SLC1A3: variants seen among roughly 807,000 people sequenced by gnomAD.
SLC1A3 encodes excitatory amino acid transporter 1.
SLC1A3 carries 21 observed loss-of-function variants against 48.1 expected under a neutral mutation model. The observed-to-expected ratio is 0.44, with a 90% CI of 0.31 to 0.63. The LOEUF (loss-of-function observed/expected upper bound fraction) is 0.63. Among genes scored for constraint, SLC1A3 ranks in the 20% least tolerant of loss-of-function variants. The pLI is 0.08. For missense variants in SLC1A3, 546 were observed against 689.0 expected, an observed-to-expected ratio of 0.79 and a Z score of 2.32; for synonymous variants, 239 against 251.4, an observed-to-expected ratio of 0.95 and a Z score of 0.47.
At chr5:36,666,014 A>C (rs1741729586) in intron 3 of SLC1A3, among the ~76,000 whole-genome samples, 2 of 152,192 alleles carry the variant, frequency 1.3e-5, no homozygotes, top group Non-Finnish European at 2.9e-5. Flanking sequence ...TTTGCACAGA[A>C]AAACAATATA....
chr5:36,617,062 C>T (rs999410299), intron 2 of SLC1A3, among the ~76,000 whole-genome samples: 3 of 152,088 alleles, frequency 2.0e-5, no homozygotes, highest in Non-Finnish European at 4.4e-5. Flanking sequence ...CTTTGCAGAG[C>T]GGTTTCAGTT....
chr5:36,629,611 G>T (rs770795444), intron 3 of SLC1A3, 24 bp downstream of exon 3: 1 of 1,606,300 alleles, frequency 6.2e-7, no homozygotes, highest in African/African-American at 1.4e-5. Context: ...TTGTTGGTTT[G>T]TTTGGTTTTT....
intron 9 of SLC1A3, 113 bp from the exon 10 acceptor site, chr5:36,685,952 A>T: frequency 1.3e-6 from 1 of 793,710 alleles, no homozygotes; most frequent in Non-Finnish European, 2.2e-6. Context: ...CAGTTGGTAG[A>T]TACGGCGAAC....
At chr5:36,610,062 C>T (rs2111664142) in intron 2 of SLC1A3, among the ~76,000 whole-genome samples, 1 of 152,294 alleles carries the variant, frequency 6.6e-6, no homozygotes, top group South Asian at 2.1e-4. Context: ...CTATGATCTT[C>T]CTCATTTTGT....
chr5:36,613,144 C>G, intron 2 of SLC1A3: 1 of 255,510 alleles, frequency 3.9e-6, no homozygotes, highest in Admixed American at 5.0e-5. Flanking sequence ...GGGATGCCAC[C>G]GAGGTGCATA....
chr5:36,641,523 A>G (rs1740617707), intron 3 of SLC1A3, among the ~76,000 whole-genome samples: 1 of 152,168 alleles, frequency 6.6e-6, no homozygotes, highest in Non-Finnish European at 1.5e-5. Flanking sequence ...TCACACACAA[A>G]AAAATCCCTA....
chr5:36,608,689 T>C (rs1328151426), intron 2 of SLC1A3, 85 bp downstream of exon 2: 2 of 1,565,918 alleles, frequency 1.3e-6, no homozygotes, highest in Non-Finnish European at 8.6e-7. Context: ...TCAGATGAAC[T>C]AGTTGTAGGT....
At chr5:36,653,631 C>G (rs187423557) in intron 3 of SLC1A3, among the ~76,000 whole-genome samples, 25 of 152,206 alleles carry the variant, frequency 1.6e-4, no homozygotes, top group African/African-American at 6.0e-4. Context: ...TCTCCTGGGC[C>G]CCTCACTTCT....
At chr5:36,633,576 T>C (rs1357382784) in intron 3 of SLC1A3, among the ~76,000 whole-genome samples, 1 of 152,222 alleles carries the variant, frequency 6.6e-6, no homozygotes. Flanking sequence ...CAAGAAGATG[T>C]ATGTTGGGTG....
At chr5:36,673,984 A>T in intron 4 of SLC1A3, 65 bp from the exon 5 acceptor site, 1 of 1,282,910 alleles carries the variant, frequency 7.8e-7, no homozygotes, top group Non-Finnish European at 1.1e-6. Context: ...ACACAATGAA[A>T]CAGAATTTAA....
chr5:36,627,945 G>A (rs961103409), intron 2 of SLC1A3, among the ~76,000 whole-genome samples: 1 of 152,124 alleles, frequency 6.6e-6, no homozygotes, highest in Admixed American at 6.5e-5. Context: ...TCCTCCTGGG[G>A]TTGTTGCAAG....
chr5:36,598,370 T>G (rs1161546520), intron 1 of SLC1A3, among the ~76,000 whole-genome samples: 1 of 152,228 alleles, frequency 6.6e-6, no homozygotes, highest in Non-Finnish European at 1.5e-5. Context: ...AAGTGGTGGC[T>G]CTTTTATTAT....
intron 3 of SLC1A3, among the ~76,000 whole-genome samples, chr5:36,635,450 G>C (rs1434180279): frequency 6.6e-6 from 1 of 152,206 alleles, no homozygotes; most frequent in East Asian, 1.9e-4. Context: ...GATTTCACAA[G>C]TCTCATTTGT....
intron 3 of SLC1A3, among the ~76,000 whole-genome samples, chr5:36,662,423 A>G (rs556116111): frequency 6.6e-6 from 1 of 152,244 alleles, no homozygotes; most frequent in African/African-American, 2.4e-5. Flanking sequence ...GGCTGTTACA[A>G]TGAGGTAGCC....
chr5:36,665,574 T>A (rs1741706333), intron 3 of SLC1A3, among the ~76,000 whole-genome samples: 1 of 152,248 alleles, frequency 6.6e-6, no homozygotes, highest in South Asian at 2.1e-4. Context: ...TGTACCTGTT[T>A]AATAAGTAAT....
At chr5:36,625,000 A>G (rs1160739124) in intron 2 of SLC1A3, among the ~76,000 whole-genome samples, 3 of 152,198 alleles carry the variant, frequency 2.0e-5, no homozygotes, top group Non-Finnish European at 2.9e-5. Flanking sequence ...TTTGAGACCT[A>G]TACTCAGGCC....
At chr5:36,663,537 G>C (rs553423479) in intron 3 of SLC1A3, among the ~76,000 whole-genome samples, 109 of 151,984 alleles carry the variant, frequency 7.2e-4, no homozygotes, top group African/African-American at 2.6e-3. Context: ...CACCGCGCCC[G>C]GCCCTGCACT....
At chr5:36,633,688 A>G (rs76292808) in intron 3 of SLC1A3, among the ~76,000 whole-genome samples, 2 of 152,318 alleles carry the variant, frequency 1.3e-5, no homozygotes, top group East Asian at 1.9e-4. Flanking sequence ...AGAAAGTGAC[A>G]AGCTGATTTT....
chr5:36,644,082 A>C (rs984598350), intron 3 of SLC1A3, among the ~76,000 whole-genome samples: 21 of 152,212 alleles, frequency 1.4e-4, no homozygotes, highest in African/African-American at 4.6e-4. Flanking sequence ...ATGAAACATC[A>C]GTGAAAATAA....
Sources: gnomAD v4.1 joint callset for allele counts (sites outside exome capture counted in the v4.1 genomes callset) on GRCh38, gnomAD v4.1.1 for gene constraint, MANE v1.5 for transcripts, NCBI Gene and HGNC (gene_info 2026-07-23, HGNC 2026-07-21) for gene names.